Variants in FARS2 observed in about 807,000 individuals in gnomAD.
FARS2 encodes phenylalanine--tRNA ligase, mitochondrial.
In FARS2, 40 loss-of-function variants were observed where a neutral mutation model predicts 46.4. That is an observed-to-expected ratio of 0.86 (90% CI 0.67 to 1.12). The LOEUF (loss-of-function observed/expected upper bound fraction) is 1.12, where lower values mean the gene tolerates loss of function less well. Ranked by LOEUF, FARS2 falls within the 50% of genes most tolerant of loss-of-function variation. FARS2 has a pLI of 0.00. For missense variants in FARS2, 513 were observed against 567.9 expected (o/e 0.90, Z 0.98); for synonymous variants, 234 against 214.9 (o/e 1.09, Z -0.78).
intron 4 of FARS2, among the ~76,000 whole-genome samples, chr6:5,450,795 C>T (rs1764446525): frequency 6.6e-6 from 1 of 151,976 alleles, no homozygotes; most frequent in African/African-American, 2.4e-5. Context: ...TAGGGGTCTC[C>T]TTGCCTCCAG....
intron 4 of FARS2, among the ~76,000 whole-genome samples, chr6:5,527,903 G>C (rs772828755): frequency 6.6e-6 from 1 of 152,202 alleles, no homozygotes; most frequent in African/African-American, 2.4e-5. Context: ...CAGGAACTTA[G>C]ATTGAAATTT....
intron 4 of FARS2, among the ~76,000 whole-genome samples, chr6:5,432,942 C>T (rs1474247289): frequency 6.6e-6 from 1 of 152,134 alleles, no homozygotes; most frequent in Non-Finnish European, 1.5e-5. Context: ...TAGGTACTCT[C>T]CATCTGCAGG....
chr6:5,436,087 A>T (rs879326685), intron 4 of FARS2, among the ~76,000 whole-genome samples: 1 of 152,214 alleles, frequency 6.6e-6, no homozygotes, highest in Admixed American at 6.5e-5. Context: ...TTACAGTACC[A>T]TGTGGTAAGT....
intron 3 of FARS2, among the ~76,000 whole-genome samples, chr6:5,408,555 G>C (rs1178741071): frequency 6.6e-6 from 1 of 152,146 alleles, no homozygotes; most frequent in East Asian, 1.9e-4. Context: ...CTGAAGTCCT[G>C]AACAGGTCAC....
In FARS2 at chr6:5,730,777, C is replaced by G. The variant is rs546226731; in HGVS notation, c.1218-40514C>G. Among the ~76,000 whole-genome samples, 3 of 152,326 alleles carry G rather than the reference C, an allele frequency of 2.0e-5. No homozygotes were observed. In the South Asian group the frequency reaches 6.2e-4, roughly 32 times the overall value. The stretch of plus-strand genomic sequence containing the variant: ...TTTTGGTAGTAGTAATCTTACCTCC[C>G]CTAACCACTGCAATGATGATTGCCA... On this transcript the variant is annotated intron_variant, in intron 6 of 6. Coordinates refer to ENST00000274680, the MANE Select transcript of FARS2 (RefSeq NM_006567.5).
intron 4 of FARS2, among the ~76,000 whole-genome samples, chr6:5,540,404 C>T (rs530556000): frequency 6.6e-6 from 1 of 152,290 alleles, no homozygotes; most frequent in African/African-American, 2.4e-5. Context: ...ATGAATGAAG[C>T]ATTTAGTGCT....
chr6:5,334,953 C>T (rs1323224873), intron 1 of FARS2, among the ~76,000 whole-genome samples: 1 of 152,022 alleles, frequency 6.6e-6, no homozygotes, highest in African/African-American at 2.4e-5. Flanking sequence ...GTAGGCAAGC[C>T]CTGTTTTGAG....
At chr6:5,588,472 T>A (rs780304503) in intron 5 of FARS2, among the ~76,000 whole-genome samples, 1 of 152,250 alleles carries the variant, frequency 6.6e-6, no homozygotes, top group Non-Finnish European at 1.5e-5. Context: ...CTGTTGGTTT[T>A]GCAGTGTCTG....
At chr6:5,329,301 A>G in intron 1 of FARS2, among the ~76,000 whole-genome samples, 1 of 152,198 alleles carries the variant, frequency 6.6e-6, no homozygotes. Context: ...TCCCAATGTC[A>G]GAGTGATGGT....
intron 3 of FARS2, among the ~76,000 whole-genome samples, chr6:5,427,337 A>G (rs371501066): frequency 6.6e-6 from 1 of 152,268 alleles, no homozygotes; most frequent in South Asian, 2.1e-4. Context: ...ACTTCAGGAC[A>G]TTGGTGTAGG....
chr6:5,613,793 TGA>T (rs1198217551), intron 6 of FARS2, among the ~76,000 whole-genome samples: 1 of 152,138 alleles, frequency 6.6e-6, no homozygotes, highest in African/African-American at 2.4e-5. Flanking sequence ...TATAGTCTTG[TGA>T]GAGAGGCAGA....
intron 5 of FARS2, among the ~76,000 whole-genome samples, chr6:5,547,963 G>C (rs1392221129): frequency 6.6e-6 from 1 of 152,176 alleles, no homozygotes; most frequent in Non-Finnish European, 1.5e-5. Context: ...ATATACCCCA[G>C]ACTGGGAAGA....
chr6:5,326,919 A>T (rs1389729301), intron 1 of FARS2, among the ~76,000 whole-genome samples: 2 of 152,234 alleles, frequency 1.3e-5, no homozygotes, highest in African/African-American at 4.8e-5. Context: ...TATTCAACTA[A>T]TTAGTGCAGC....
At chr6:5,658,072 C>T (rs1301050244) in intron 6 of FARS2, among the ~76,000 whole-genome samples, 1 of 152,178 alleles carries the variant, frequency 6.6e-6, no homozygotes, top group Non-Finnish European at 1.5e-5. Flanking sequence ...GTCTGATGAA[C>T]ATGGAGGAAC....
intron 4 of FARS2, among the ~76,000 whole-genome samples, chr6:5,518,814 G>T (rs1768965963): frequency 6.6e-6 from 1 of 151,956 alleles, no homozygotes; most frequent in South Asian, 2.1e-4. Context: ...TAATGAAATT[G>T]ATTTCTGCTT....
chr6:5,259,086 G>C (rs572085884), upstream of FARS2, among the ~76,000 whole-genome samples: 1 of 135,324 alleles, frequency 7.4e-6, no homozygotes, highest in South Asian at 2.2e-4. Context: ...ACTTGTCCAA[G>C]TTAGTCTTCG....
chr6:5,545,536 T>C (rs1264081549), intron 5 of FARS2, among the ~76,000 whole-genome samples, 196 bp downstream of exon 5: 3 of 151,388 alleles, frequency 2.0e-5, no homozygotes, highest in African/African-American at 7.3e-5. Context: ...TGGTTTGCTG[T>C]GCCTATCAAC....
chr6:5,730,026 G>A (rs1760518990), intron 6 of FARS2, among the ~76,000 whole-genome samples: 1 of 152,202 alleles, frequency 6.6e-6, no homozygotes, highest in Non-Finnish European at 1.5e-5. Context: ...CCTCTAGGGA[G>A]CAAAATTCCC....
At chr6:5,512,505 A>C (rs1220410650) in intron 4 of FARS2, among the ~76,000 whole-genome samples, 1 of 152,110 alleles carries the variant, frequency 6.6e-6, no homozygotes, top group Non-Finnish European at 1.5e-5. Flanking sequence ...ATGAAGGAGA[A>C]ATCATTGCTT....
Sources: allele counts gnomAD v4.1 joint callset (sites outside exome capture counted in the v4.1 genomes callset), GRCh38; gene constraint gnomAD v4.1.1; transcripts MANE v1.5; gene names NCBI Gene and HGNC (gene_info 2026-07-23, HGNC 2026-07-21).